AADAT: variants seen among roughly 807,000 people sequenced by gnomAD.
AADAT encodes the protein aminoadipate aminotransferase, also known as kynurenine/alpha-aminoadipate aminotransferase, mitochondrial.
A neutral mutation model predicts 56.2 loss-of-function variants in AADAT; 25 were observed. That is an observed-to-expected ratio of 0.44 (90% CI 0.32 to 0.62). The LOEUF (loss-of-function observed/expected upper bound fraction) is 0.62. AADAT is among the 20% of genes least tolerant of loss of function. The pLI, the probability that AADAT is intolerant of heterozygous loss-of-function variation, is 0.04. For missense variants in AADAT, 387 were observed against 510.5 expected, an observed-to-expected ratio of 0.76 and a Z score of 2.33; for synonymous variants, 173 against 164.7, an observed-to-expected ratio of 1.05 and a Z score of -0.39.
At chr4:170,068,939 A>T (rs1453902875) in intron 7 of AADAT, among the ~76,000 whole-genome samples, 1 of 152,224 alleles carries the variant, frequency 6.6e-6, no homozygotes, top group Admixed American at 6.5e-5. Flanking sequence ...TCCGACTACA[A>T]CTTTAGATAA....
In AADAT at chr4:170,066,494, A is replaced by G; in HGVS notation, c.963-16T>C. The G allele has an allele frequency of 6.3e-7, 1 of 1,590,414 alleles. No homozygotes were observed. Among genetic ancestry groups the G allele is most frequent in the Non-Finnish European group, 8.6e-7 (1 of 1,159,174 alleles). Reference sequence around the variant, plus strand: ...ATCAATAACCCTAGAAAAAGAAAACAATGAAATGGATGTGCTCAGTACATT... The same window carrying G: ...ATCAATAACCCTAGAAAAAGAAAACGATGAAATGGATGTGCTCAGTACATT... On this transcript the variant is annotated splice_polypyrimidine_tract_variant and intron_variant, in intron 9 of 12. Coordinates refer to ENST00000337664, the MANE Select transcript of AADAT (RefSeq NM_016228.4).
chr4:170,091,314 G>A (rs1732819199), upstream of AADAT, among the ~76,000 whole-genome samples: 1 of 152,174 alleles, frequency 6.6e-6, no homozygotes, highest in Admixed American at 6.5e-5. Context: ...TGGCGGGCCG[G>A]CACTCAGAGC....
upstream of AADAT, among the ~76,000 whole-genome samples, chr4:170,092,782 T>A (rs1177449997): frequency 2.0e-5 from 3 of 152,254 alleles, no homozygotes; most frequent in African/African-American, 7.2e-5. Context: ...AGTGCAGTGG[T>A]CTGCACGTTG....
At chr4:170,093,204 G>A (rs1732919291), upstream of AADAT, among the ~76,000 whole-genome samples, 1 of 152,072 alleles carries the variant, frequency 6.6e-6, no homozygotes, top group African/African-American at 2.4e-5. Context: ...CAAGGTGGGT[G>A]GATCAACTGA....
chr4:170,089,568 G>A (rs1236952946), intron 1 of AADAT, 56 bp downstream of exon 1: 5 of 1,605,220 alleles, frequency 3.1e-6, no homozygotes, highest in Non-Finnish European at 8.5e-7. Flanking sequence ...ACCCTCCTTA[G>A]AGGCTGTGCG....
chr4:170,088,270 G>C, intron 2 of AADAT, 126 bp downstream of exon 2: 1 of 993,050 alleles, frequency 1.0e-6, no homozygotes, highest in Non-Finnish European at 1.4e-6. Context: ...TGACCAAATG[G>C]GTCAATGGCT....
At chr4:170,090,357 C>A (rs900192713), upstream of AADAT, 1 of 152,358 alleles carries the variant, frequency 6.6e-6, no homozygotes, top group African/African-American at 2.4e-5. Context: ...GCTCCGCTGG[C>A]CTCCTCTCAG....
rs1217522047 is a variant in AADAT at position 170,089,625 on chromosome 4, C to T, written c.66G>A (p.Met22Ile). The change falls in exon 1 of 13, where the codon ATG becomes ATA. Residue 22 changes from methionine to isoleucine, a missense_variant and splice_region_variant. Met to Ile is a conservative substitution (Grantham distance 10). Coordinates refer to ENST00000337664, the MANE Select transcript of AADAT (RefSeq NM_016228.4). ...AARNPSPIRT[M>I]TDILSRGPKS... ...AGAGATGGTCACCCCGTTTCTCACT[C>T]ATGGTCCGGATGGGAGAAGGGTTTC... 1 of 1,614,190 alleles carries T rather than the reference C, an allele frequency of 6.2e-7. No homozygotes were observed. Among genetic ancestry groups the T allele is most frequent in the African/African-American group, 1.3e-5 (1 of 75,050 alleles).
At chr4:170,085,284 C>G (rs369066351) in intron 3 of AADAT, among the ~76,000 whole-genome samples, 1 of 152,008 alleles carries the variant, frequency 6.6e-6, no homozygotes, top group Admixed American at 6.5e-5. Flanking sequence ...GCCCTTAAAC[C>G]CCTGCGTTGT....
chr4:170,091,217 G>C (rs1022546963), upstream of AADAT, among the ~76,000 whole-genome samples: 2 of 152,250 alleles, frequency 1.3e-5, no homozygotes, highest in South Asian at 2.1e-4. Context: ...CTCAGCCTGC[G>C]GGGAGGTGTG....
intron 12 of AADAT, 110 bp from the exon 13 acceptor site, chr4:170,061,079 A>C: frequency 2.7e-6 from 2 of 734,016 alleles, no homozygotes; most frequent in Non-Finnish European, 4.0e-6. Flanking sequence ...GGTTGAGAGA[A>C]GGCATTGAAA....
intron 8 of AADAT, 64 bp from the exon 9 acceptor site, chr4:170,067,452 T>C: frequency 7.7e-7 from 1 of 1,304,424 alleles, no homozygotes; most frequent in African/African-American, 1.5e-5. Flanking sequence ...TTGCCATATA[T>C]AAAAGCAACT....
rs762398883 is a variant in AADAT, at chr4:170,061,847, CAG to C, written c.1236+43_1236+44del. Reference sequence around the variant, plus strand: ...AAAGTATACACGTGCATTAAAAAAACAGAACTGCTAGCTAGTGTTACTCTGAG... The same window carrying C: ...AAAGTATACACGTGCATTAAAAAAACAACTGCTAGCTAGTGTTACTCTGAG... On this transcript the variant is annotated intron_variant, in intron 12 of 12. Transcript: ENST00000337664. 1.2e-5 allele frequency: 17 copies of C among 1,427,058 alleles called. No homozygotes were observed. In the Admixed American group the frequency reaches 2.4e-4, roughly 20 times the overall value. 88.4% of individuals were successfully genotyped at this position (1,427,058 alleles called of 1,614,324 possible).
At chr4:170,073,673 G>T (rs1731888872) in intron 4 of AADAT, among the ~76,000 whole-genome samples, 1 of 151,914 alleles carries the variant, frequency 6.6e-6, no homozygotes, top group Admixed American at 6.6e-5. Context: ...GTAATTTTTT[G>T]TATTTTTAGT....
At chr4:170,083,123 G>A (rs1444663612) in intron 3 of AADAT, among the ~76,000 whole-genome samples, 1 of 151,120 alleles carries the variant, frequency 6.6e-6, no homozygotes, top group African/African-American at 2.4e-5. Flanking sequence ...AGAGTCTGCA[G>A]AACAGACCAT....
At chr4:170,070,501 C>T (rs1270617834) in intron 6 of AADAT, 86 bp downstream of exon 6, 8 of 884,364 alleles carry the variant, frequency 9.0e-6, no homozygotes, top group Admixed American at 2.5e-5. Flanking sequence ...AGTTCTGACT[C>T]AGCAGTCAGC....
intron 2 of AADAT, among the ~76,000 whole-genome samples, chr4:170,088,130 C>T (rs1732650814): frequency 6.6e-6 from 1 of 151,774 alleles, no homozygotes; most frequent in Non-Finnish European, 1.5e-5. Context: ...GAGAAGCAAT[C>T]ACTGAGGAGT....
At chr4:170,091,910 A>G (rs958781889), upstream of AADAT, among the ~76,000 whole-genome samples, 2 of 152,334 alleles carry the variant, frequency 1.3e-5, no homozygotes, top group African/African-American at 2.4e-5. Flanking sequence ...TTGTAAATGC[A>G]CCAATCAACA....
At position 170,070,625 on chromosome 4, in the gene AADAT, T is replaced by C. The variant is rs773320216; in HGVS notation, c.682A>G (p.Ile228Val). ...AGAAAATAGTAAGGATCATCTTCTA[T>C]TATGAGGAAATCATATTTTCTTGCA... Reference protein sequence around the residue: ...ELARKYDFLIIEDDPYYFLQF... With the variant: ...ELARKYDFLIVEDDPYYFLQF... Residue 228 changes from isoleucine (I) to valine (V), a missense_variant, in exon 6 of 13, where the codon ATA becomes GTA. Transcript: ENST00000337664. The C allele has an allele frequency of 6.3e-7, 1 of 1,580,340 alleles. No homozygotes were observed. The highest frequency in any genetic ancestry group is 1.3e-5 in the African/African-American group (1 of 74,274).
Sources: allele counts gnomAD v4.1 joint callset (sites outside exome capture counted in the v4.1 genomes callset), GRCh38; gene constraint gnomAD v4.1.1; transcripts MANE v1.5; gene names NCBI Gene and HGNC (gene_info 2026-07-23, HGNC 2026-07-21).